The following ANKS1B variants were observed in gnomAD, a reference collection of about 807,000 sequenced individuals.
ANKS1B encodes the protein ankyrin repeat and sterile alpha motif domain containing 1B, also known as ankyrin repeat and sterile alpha motif domain-containing protein 1B.
A neutral mutation model predicts 148.3 loss-of-function variants in ANKS1B; 36 were observed. The ratio of observed to expected loss-of-function variants is 0.24; its 90% CI spans 0.19 to 0.32. The LOEUF (loss-of-function observed/expected upper bound fraction) is 0.32. Ranked by LOEUF, ANKS1B falls within the 10% of genes least tolerant of loss-of-function variation. ANKS1B has a pLI of 1.00. For synonymous variants in ANKS1B, 542 were observed against 560.8 expected, an observed-to-expected ratio of 0.97 and a Z score of 0.47; for missense variants, 1,157 against 1,542.6, an observed-to-expected ratio of 0.75 and a Z score of 4.19.
At chr12:99,182,383 T>C (rs1381924231) in intron 14 of ANKS1B, among the ~76,000 whole-genome samples, 2 of 152,212 alleles carry the variant, frequency 1.3e-5, no homozygotes, top group Non-Finnish European at 2.9e-5. Context: ...TGTTTTAATT[T>C]GTAGCTCCCA....
At chr12:98,992,107 C>G (rs2099926944) in intron 17 of ANKS1B, among the ~76,000 whole-genome samples, 1 of 152,168 alleles carries the variant, frequency 6.6e-6, no homozygotes, top group Non-Finnish European at 1.5e-5. Flanking sequence ...CCTGTACCAT[C>G]TGGTTCCTGC....
At chr12:98,793,615 G>C (rs904981130) in intron 22 of ANKS1B, among the ~76,000 whole-genome samples, 1 of 152,130 alleles carries the variant, frequency 6.6e-6, no homozygotes, top group African/African-American at 2.4e-5. Flanking sequence ...GAATTTATAA[G>C]GGACCCAAAC....
chr12:99,056,287 A>G (rs554352529), intron 16 of ANKS1B, among the ~76,000 whole-genome samples: 2 of 152,364 alleles, frequency 1.3e-5, no homozygotes, highest in Non-Finnish European at 1.5e-5. Flanking sequence ...GGAAACCATT[A>G]GAGCCAAATG....
rs141731973 is a variant in ANKS1B, at chr12:99,331,921, G to A, written c.1756+67710C>T. Among the ~76,000 whole-genome samples, 544 of 152,038 alleles carry A rather than the reference G, an allele frequency of 3.6e-3. 2 individuals are homozygous for A. Among genetic ancestry groups the A allele is most frequent in the Middle Eastern group, 6.8e-3 (2 of 294 alleles). ...GGGAAAACCTGACTCTGGGAGCTGCGATTATAGAGGAAATAAAGGCAGTAA... is the reference window on the plus strand; with the variant it reads ...GGGAAAACCTGACTCTGGGAGCTGCAATTATAGAGGAAATAAAGGCAGTAA... On this transcript the variant is annotated intron_variant, in intron 12 of 26. Coordinates refer to ENST00000683438, the MANE Select transcript of ANKS1B (RefSeq NM_001352186.2).
At chr12:99,046,347 A>G (rs1230167746) in intron 17 of ANKS1B, among the ~76,000 whole-genome samples, 1 of 152,202 alleles carries the variant, frequency 6.6e-6, no homozygotes, top group African/African-American at 2.4e-5. Flanking sequence ...AGACATGCAA[A>G]AAAACAGCAA....
chr12:98,939,231 A>G (rs1222930951), intron 17 of ANKS1B, among the ~76,000 whole-genome samples: 3 of 152,222 alleles, frequency 2.0e-5, no homozygotes, highest in Non-Finnish European at 4.4e-5. Context: ...GATTTTCTAG[A>G]GAATCAGAGT....
chr12:99,814,424 G>A (rs753308151), intron 2 of ANKS1B, among the ~76,000 whole-genome samples: 6 of 151,684 alleles, frequency 4.0e-5, no homozygotes, highest in Non-Finnish European at 8.9e-5. Flanking sequence ...GAAGTGAAAT[G>A]AAATGCTTAT....
intron 17 of ANKS1B, among the ~76,000 whole-genome samples, chr12:98,886,868 AG>A (rs1305012319): frequency 6.6e-6 from 1 of 152,224 alleles, no homozygotes; most frequent in Non-Finnish European, 1.5e-5. Flanking sequence ...CAAAAGCAAT[AG>A]GAAGACGTTC....
intron 8 of ANKS1B, among the ~76,000 whole-genome samples, chr12:99,697,581 G>A (rs908559614): frequency 4.6e-5 from 7 of 152,066 alleles, no homozygotes; most frequent in Admixed American, 3.3e-4. Context: ...AAGTTCTGGG[G>A]GATAAAGCAA....
chr12:98,784,118 C>T (rs1264354821), intron 22 of ANKS1B, among the ~76,000 whole-genome samples: 1 of 152,134 alleles, frequency 6.6e-6, no homozygotes, highest in Admixed American at 6.5e-5. Flanking sequence ...AGTGTTTTTG[C>T]GTAAGCATAA....
At chr12:99,356,573 T>C (rs2152411434) in intron 12 of ANKS1B, among the ~76,000 whole-genome samples, 1 of 152,244 alleles carries the variant, frequency 6.6e-6, no homozygotes, top group East Asian at 1.9e-4. Flanking sequence ...TCATCTCCAT[T>C]TTTGCAGAAC....
rs75010674 is a variant in ANKS1B at position 98,773,871 on chromosome 12, C to T, written c.3442-692G>A. Among the ~76,000 whole-genome samples, 182 of 152,300 alleles carry T rather than the reference C, an allele frequency of 1.2e-3. 5 individuals are homozygous for T. In the East Asian group the frequency reaches 0.031, roughly 26 times the overall value. The stretch of plus-strand genomic sequence containing the variant: ...ATTCTGTATGGAGGGGAGCATCTGT[C>T]GCTTTCTCTGTATGAGAAGAGATCT... On this transcript the variant is annotated intron_variant, in intron 24 of 26. Transcript: ENST00000683438.
chr12:99,726,443 G>A (rs1011786838), intron 8 of ANKS1B, among the ~76,000 whole-genome samples: 9 of 152,036 alleles, frequency 5.9e-5, no homozygotes, highest in Non-Finnish European at 1.0e-4. Context: ...GGAAGAAGTC[G>A]AATCCATAAA....
At chr12:99,468,514 GGAA>G (rs1355947241) in intron 10 of ANKS1B, among the ~76,000 whole-genome samples, 2 of 152,070 alleles carry the variant, frequency 1.3e-5, no homozygotes, top group African/African-American at 4.8e-5. Flanking sequence ...CCTAAAAAAT[GGAA>G]GAAAATTTTC....
chr12:99,080,844 GA>G (rs1194675213), intron 16 of ANKS1B, among the ~76,000 whole-genome samples: 2 of 152,056 alleles, frequency 1.3e-5, no homozygotes, highest in Non-Finnish European at 2.9e-5. Flanking sequence ...TAGGACAGTA[GA>G]AAAAAAGCCA....
At chr12:98,813,403 G>A (rs935649473) in intron 19 of ANKS1B, among the ~76,000 whole-genome samples, 1 of 150,102 alleles carries the variant, frequency 6.7e-6, no homozygotes, top group South Asian at 2.1e-4. Context: ...AATGTGTAGA[G>A]AGGAGGTCTT....
chr12:99,979,552 C>A (rs1458438595), intron 1 of ANKS1B, among the ~76,000 whole-genome samples: 1 of 151,996 alleles, frequency 6.6e-6, no homozygotes, highest in Non-Finnish European at 1.5e-5. Flanking sequence ...CCATAAGGGA[C>A]AGTAAGCTGC....
intron 9 of ANKS1B, among the ~76,000 whole-genome samples, chr12:99,609,547 G>GAA (rs147882226): frequency 7.1e-6 from 1 of 140,478 alleles, no homozygotes. Context: ...CTTTTTATAA[G>GAA]AAAAAAAAAA....
At chr12:99,774,034 G>A (rs1337489321) in intron 7 of ANKS1B, among the ~76,000 whole-genome samples, 1 of 152,058 alleles carries the variant, frequency 6.6e-6, no homozygotes, top group Admixed American at 6.6e-5. Flanking sequence ...ATTAAGACCT[G>A]AAAATATGAA....
Sources: gnomAD v4.1 joint callset for allele counts (sites outside exome capture counted in the v4.1 genomes callset) on GRCh38, gnomAD v4.1.1 for gene constraint, MANE v1.5 for transcripts, NCBI Gene and HGNC (gene_info 2026-07-23, HGNC 2026-07-21) for gene names.